Variants in BLTP1 observed in about 807,000 individuals in gnomAD.
BLTP1 encodes the protein bridge-like lipid transfer protein family member 1, also known as fragile site-associated protein.
chr4:122,362,424 G>A, the BLTP1 span: 1 of 474,328 alleles, frequency 2.1e-6, no homozygotes, highest in Non-Finnish European at 3.7e-6. Context: ...GTGAAGTATT[G>A]CATGATAATG....
At chr4:122,194,220 A>G in the BLTP1 span, among the ~76,000 whole-genome samples, 5 of 152,224 alleles carry the variant, frequency 3.3e-5, no homozygotes, top group Non-Finnish European at 7.3e-5. Context: ...AGTATATTCT[A>G]TTAATCTTGT....
chr4:122,234,974 A>G, the BLTP1 span: 20 of 1,612,828 alleles, frequency 1.2e-5, no homozygotes, highest in South Asian at 1.2e-4. Flanking sequence ...AGTCTCTGCT[A>G]CAGCCTGGAG....
At chr4:122,303,367 C>T in the BLTP1 span, among the ~76,000 whole-genome samples, 16 of 152,292 alleles carry the variant, frequency 1.1e-4, no homozygotes, top group Non-Finnish European at 1.6e-4. Flanking sequence ...TGACAATGCA[C>T]CTGGTCACCT....
At chr4:122,158,005 T>C in the BLTP1 span, among the ~76,000 whole-genome samples, 1 of 152,202 alleles carries the variant, frequency 6.6e-6, no homozygotes, top group Non-Finnish European at 1.5e-5. Flanking sequence ...TGAGGGTTCC[T>C]GATCCAAGTG....
chr4:122,166,849 G>A, the BLTP1 span, among the ~76,000 whole-genome samples: 2 of 152,194 alleles, frequency 1.3e-5, no homozygotes, highest in Admixed American at 6.5e-5. Context: ...GTGAATGGGA[G>A]TTCACTCATG....
At chr4:122,246,545 C>A in the BLTP1 span, 1 of 1,106,222 alleles carries the variant, frequency 9.0e-7, no homozygotes, top group Non-Finnish European at 1.3e-6. Context: ...TTATGAGAAT[C>A]TGTATTCATA....
chr4:122,279,628 AC>A, the BLTP1 span: 1 of 853,238 alleles, frequency 1.2e-6, no homozygotes, highest in Non-Finnish European at 1.7e-6. Context: ...TCTGAAATCT[AC>A]ACTTTTTTTG....
the BLTP1 span, chr4:122,306,560 A>G: frequency 1.0e-6 from 1 of 984,676 alleles, no homozygotes; most frequent in Non-Finnish European, 1.2e-6. Flanking sequence ...TCTTGATTTG[A>G]CTTTGAATTA....
chr4:122,343,449 ATAG>A, the BLTP1 span: 1 of 1,613,910 alleles, frequency 6.2e-7, no homozygotes, highest in Non-Finnish European at 8.5e-7. Flanking sequence ...CGAAGTCGAC[ATAG>A]TAGTAGTCAG....
At chr4:122,171,681 C>G in the BLTP1 span, 1 of 180,848 alleles carries the variant, frequency 5.5e-6, no homozygotes, top group Non-Finnish European at 8.7e-6. Flanking sequence ...GCTTATGCTT[C>G]TTTCATGACA....
the BLTP1 span, among the ~76,000 whole-genome samples, chr4:122,322,463 T>C: frequency 6.6e-6 from 1 of 152,074 alleles, no homozygotes; most frequent in Non-Finnish European, 1.5e-5. Context: ...GGCATAGTAA[T>C]CATAGTTGGT....
chr4:122,207,367 T>C, the BLTP1 span: 1 of 1,377,222 alleles, frequency 7.3e-7, no homozygotes, highest in Non-Finnish European at 9.8e-7. Context: ...ATACTAGAAG[T>C]TATTTCCCCC....
the BLTP1 span, among the ~76,000 whole-genome samples, chr4:122,318,607 T>G: frequency 3.9e-5 from 6 of 152,180 alleles, no homozygotes; most frequent in Non-Finnish European, 8.8e-5. Flanking sequence ...TAATGTGAAC[T>G]CTGCAAAAAA....
At chr4:122,230,900 CT>C in the BLTP1 span, among the ~76,000 whole-genome samples, 3 of 151,862 alleles carry the variant, frequency 2.0e-5, no homozygotes, top group African/African-American at 7.3e-5. Context: ...TTTTTTAATG[CT>C]TGAAATCATC....
At chr4:122,247,019 C>A in the BLTP1 span, 2 of 1,299,306 alleles carry the variant, frequency 1.5e-6, no homozygotes, top group Non-Finnish European at 2.1e-6. Flanking sequence ...TTTCAGTAAA[C>A]ATTGAATAAT....
chr4:122,279,733 G>T, the BLTP1 span: 1 of 1,572,122 alleles, frequency 6.4e-7, no homozygotes, highest in Non-Finnish European at 8.6e-7. Flanking sequence ...TCTTTACTTG[G>T]CTGTTGGCTG....
At chr4:122,272,033 G>T in the BLTP1 span, 5 of 1,190,752 alleles carry the variant, frequency 4.2e-6, no homozygotes, top group Non-Finnish European at 5.8e-6. Context: ...TAATCATTTT[G>T]TTGGGGATTA....
chr4:122,264,374 G>C, the BLTP1 span: 1 of 1,611,194 alleles, frequency 6.2e-7, no homozygotes, highest in Admixed American at 1.7e-5. Context: ...TGATGTGGCA[G>C]GTGTAGAAGA....
chr4:122,281,289 A>C, the BLTP1 span: 3 of 979,036 alleles, frequency 3.1e-6, no homozygotes, highest in Non-Finnish European at 3.6e-6. Context: ...TGTAATAATG[A>C]TAAGAATCAC....
Sources: allele counts gnomAD v4.1 joint callset (sites outside exome capture counted in the v4.1 genomes callset), GRCh38; gene constraint gnomAD v4.1.1; transcripts MANE v1.5; gene names NCBI Gene and HGNC (gene_info 2026-07-23, HGNC 2026-07-21).